SLC29A4: variants seen among roughly 807,000 people sequenced by gnomAD.
SLC29A4 encodes the protein solute carrier family 29 member 4.
Under a neutral mutation model 43.9 loss-of-function variants are expected in SLC29A4, and 36 were observed. The ratio of observed to expected loss-of-function variants is 0.82; its 90% CI spans 0.63 to 1.08. The LOEUF (loss-of-function observed/expected upper bound fraction) is 1.08, where lower values mean the gene tolerates loss of function less well. Ranked by LOEUF, SLC29A4 falls within the 50% of genes least tolerant of loss-of-function variation. The pLI is 0.00. For synonymous variants in SLC29A4, 491 were observed against 338.0 expected, an observed-to-expected ratio of 1.45 and a Z score of -4.97; for missense variants, 869 against 755.3, an observed-to-expected ratio of 1.15 and a Z score of -1.77.
intron 2 of SLC29A4, among the ~76,000 whole-genome samples, chr7:5,289,176 C>A (rs1785152583): frequency 6.6e-6 from 1 of 152,122 alleles, no homozygotes; most frequent in South Asian, 2.1e-4. Flanking sequence ...GCCGGAGGAA[C>A]ACTTGAGCCC....
chr7:5,296,959 C>G lies in SLC29A4; in HGVS notation c.643C>G (p.Leu215Val). 6 of 1,585,626 alleles carry G rather than the reference C, an allele frequency of 3.8e-6. No homozygotes were observed. The highest frequency in any genetic ancestry group is 4.3e-6 in the Non-Finnish European group (5 of 1,169,570). Residue 215 changes from leucine to valine, a missense_variant, in exon 7 of 11, where the codon CTG (leucine) becomes GTG (valine). By Grantham distance (32) the Leu-to-Val change is conservative. Transcript: ENST00000396872. The stretch of plus-strand genomic sequence containing the variant: ...AGGCACGGCGGGCGTGATGATCTCT[C>G]TGAGCCGCATCCTCACGAAGCTGCT... ...GESTAGVMISLSRILTKLLLP... is the reference protein window; with the variant it reads ...GESTAGVMISVSRILTKLLLP...
rs1786476603 is a variant in SLC29A4, at chr7:5,306,168, T to TC, written c.*3230dup. ...CCATCCAACTTAACTTTTAATTTTT[T>TC]CTCATGTAAATTTGTTCAATTTCTT... On this transcript the variant is annotated 3_prime_UTR_variant, in exon 11 of 11. Transcript: ENST00000396872. 6.6e-6 allele frequency: 1 copy of TC among 151,276 alleles called. No homozygotes were observed. The highest frequency in any genetic ancestry group is 2.4e-5 in the African/African-American group (1 of 41,174). The allele number at this position is 151,276 out of a possible 1,614,324, so 9.4% of individuals were successfully genotyped here. A position where few individuals can be genotyped will look rare whatever the true frequency, so the allele number is the denominator to read the frequency against.
chr7:5,283,257 A>C (rs1583638526), intron 1 of SLC29A4, among the ~76,000 whole-genome samples, 175 bp downstream of exon 1: 1 of 127,318 alleles, frequency 7.9e-6, no homozygotes, highest in African/African-American at 2.9e-5. Context: ...TGAGCGGCCC[A>C]GCCCCCCGCG....
At chr7:5,289,105 C>T (rs1473554480) in intron 2 of SLC29A4, among the ~76,000 whole-genome samples, 1 of 152,162 alleles carries the variant, frequency 6.6e-6, no homozygotes, top group Non-Finnish European at 1.5e-5. Context: ...GGCTCAGAAA[C>T]CTGGGCTAAG....
intron 2 of SLC29A4, among the ~76,000 whole-genome samples, chr7:5,289,243 A>T (rs149143036): frequency 6.6e-6 from 1 of 152,102 alleles, no homozygotes; most frequent in Non-Finnish European, 1.5e-5. Context: ...CAAAAAATAC[A>T]AAAATTAGCC....
intron 7 of SLC29A4, 40 bp downstream of exon 7, chr7:5,297,238 CCTT>C (rs748576977): frequency 6.7e-6 from 10 of 1,489,350 alleles, no homozygotes; most frequent in Admixed American, 2.2e-5. Flanking sequence ...TTCTCTGTCC[CCTT>C]CTCTGTCCCC....
chr7:5,299,757 G>T (rs1424164148), intron 9 of SLC29A4, among the ~76,000 whole-genome samples: 1 of 152,172 alleles, frequency 6.6e-6, no homozygotes, highest in Admixed American at 6.5e-5. Flanking sequence ...CTCAGAAATG[G>T]CTCAAAGAAA....
chr7:5,291,651 A>T (rs1222278433), intron 4 of SLC29A4, 42 bp from the exon 5 acceptor site: 2 of 1,545,460 alleles, frequency 1.3e-6, no homozygotes, highest in South Asian at 1.2e-5. Context: ...GACCCCACCC[A>T]GTTGGCTCCA....
At chr7:5,299,945 G>A (rs537284513) in intron 9 of SLC29A4, among the ~76,000 whole-genome samples, 6 of 152,314 alleles carry the variant, frequency 3.9e-5, no homozygotes, top group African/African-American at 1.4e-4. Flanking sequence ...GCAGCTACTT[G>A]GGAAGCTGAG....
rs1785940111 is a variant in SLC29A4, at chr7:5,299,078, T to C, written c.973T>C (p.Phe325Leu). ...CGGCAGCGGCGGGGCCTACATGCGC[T>C]TTGATGTGCCGCGGCCAAGGGTCCA... The part of the protein sequence containing the change: ...VTGSGGAYMR[F>L]DVPRPRVQRS... The change falls in exon 8 of 11, where the codon TTT becomes CTT. Residue 325 changes from phenylalanine (F) to leucine (L), a missense_variant. Phe to Leu is a conservative substitution (Grantham distance 22, BLOSUM62 0). Transcript: ENST00000396872. 1 of 1,610,928 alleles carries C rather than the reference T, an allele frequency of 6.2e-7. No individual in the cohort carries two copies. Among genetic ancestry groups the C allele is most frequent in the Non-Finnish European group, 8.5e-7 (1 of 1,179,542 alleles).
intron 10 of SLC29A4, among the ~76,000 whole-genome samples, chr7:5,302,354 G>GTCTC (rs1290849623): frequency 6.6e-6 from 1 of 152,202 alleles, no homozygotes; most frequent in Non-Finnish European, 1.5e-5. Context: ...AGCCTGGGCA[G>GTCTC]TATAGCAAGA....
At chr7:5,289,151 C>T (rs1785150936) in intron 2 of SLC29A4, among the ~76,000 whole-genome samples, 1 of 152,138 alleles carries the variant, frequency 6.6e-6, no homozygotes, top group Admixed American at 6.6e-5. Context: ...AATCCCAGCA[C>T]TTTGGGAGGC....
Position 5,299,288 on chromosome 7 carries a change from T to G in SLC29A4, c.1070T>G (p.Met357Arg), listed in dbSNP as rs1301299822. 3 of 1,611,930 alleles carry G rather than the reference T, an allele frequency of 1.9e-6. No individual in the cohort carries two copies. Among genetic ancestry groups the G allele is most frequent in the Non-Finnish European group, 2.5e-6 (3 of 1,179,936 alleles). The change falls in exon 9 of 11, where the codon ATG (methionine) becomes AGG (arginine). Residue 357 changes from methionine (M) to arginine (R), a missense_variant. Coordinates refer to ENST00000396872, the MANE Select transcript of SLC29A4 (RefSeq NM_153247.4). ...YVVARVIWAD[M>R]LSIAVTYFIT... Reference sequence around the variant, plus strand: ...GTGGCGCGGGTGATCTGGGCCGACATGCTCTCCATCGCCGTGACCTACTTC... The same window carrying G: ...GTGGCGCGGGTGATCTGGGCCGACAGGCTCTCCATCGCCGTGACCTACTTC...
In SLC29A4 at chr7:5,305,788, C is replaced by G. The variant is rs1364656620; in HGVS notation, c.*2849C>G. The stretch of plus-strand genomic sequence containing the variant: ...GTCAGGCTGGTCTTGAACTCCCGAC[C>G]TCAGGTGATCCACCTGCCTCAGCCT... On this transcript the variant is annotated 3_prime_UTR_variant, in exon 11 of 11. Transcript: ENST00000396872. 1.3e-5 allele frequency: 2 copies of G among 151,926 alleles called. No individual in the cohort carries two copies. Among genetic ancestry groups the G allele is most frequent in the South Asian group, 2.1e-4 (1 of 4,800 alleles). 9.4% of individuals were successfully genotyped at this position (151,926 alleles called of 1,614,324 possible).
intron 2 of SLC29A4, 104 bp from the exon 3 acceptor site, chr7:5,290,628 C>T: frequency 9.0e-6 from 13 of 1,444,280 alleles, no homozygotes; most frequent in Non-Finnish European, 1.1e-5. Context: ...CGGTGATGGA[C>T]AGTGGCTATG....
In SLC29A4 at chr7:5,291,675, T is replaced by G. The variant is rs779237659; in HGVS notation, c.416-18T>G. 66 of 1,582,558 alleles carry G rather than the reference T, an allele frequency of 4.2e-5. No individual in the cohort carries two copies. Among genetic ancestry groups the G allele is most frequent in the Non-Finnish European group, 5.4e-5 (63 of 1,162,344 alleles). On this transcript the variant is annotated intron_variant, in intron 4 of 10. Coordinates refer to ENST00000396872, the MANE Select transcript of SLC29A4 (RefSeq NM_153247.4). Reference sequence around the variant, plus strand: ...CAGTTGGCTCCACCACTCCCCTCACTAGCCTCTCCCCCAACAGGCTACCTC... The same window carrying G: ...CAGTTGGCTCCACCACTCCCCTCACGAGCCTCTCCCCCAACAGGCTACCTC...
intron 1 of SLC29A4, 47 bp from the exon 2 acceptor site, chr7:5,287,762 C>T (rs1785048333): frequency 1.3e-6 from 2 of 1,578,504 alleles, no homozygotes; most frequent in Non-Finnish European, 1.7e-6. Flanking sequence ...GCCATGGATC[C>T]CTCAGCCTTC....
chr7:5,301,524 T>G (rs1786163251), intron 10 of SLC29A4, among the ~76,000 whole-genome samples: 1 of 152,230 alleles, frequency 6.6e-6, no homozygotes, highest in Admixed American at 6.5e-5. Context: ...GCAAAGATCC[T>G]GCGGCACTGA....
At chr7:5,298,958 C>T (rs1175650864) in intron 7 of SLC29A4, 30 bp from the exon 8 acceptor site, 2 of 1,599,450 alleles carry the variant, frequency 1.3e-6, no homozygotes, top group South Asian at 1.1e-5. Context: ...CCTTCCACTC[C>T]AACCCCATCC....
Sources: allele counts gnomAD v4.1 joint callset (sites outside exome capture counted in the v4.1 genomes callset), GRCh38; gene constraint gnomAD v4.1.1; transcripts MANE v1.5; gene names NCBI Gene and HGNC (gene_info 2026-07-23, HGNC 2026-07-21).